Variants in BCL2 observed in about 807,000 individuals in gnomAD.
BCL2 encodes apoptosis regulator Bcl-2.
BCL2 carries 1 observed loss-of-function variant against 14.2 expected under a neutral mutation model. The observed-to-expected ratio is 0.07, with a 90% CI of 0.02 to 0.33. The LOEUF is 0.33. BCL2 is among the 10% of genes least tolerant of loss of function. BCL2 has a pLI of 0.99. For synonymous variants in BCL2, 151 were observed against 137.2 expected, an observed-to-expected ratio of 1.10 and a Z score of -0.70; for missense variants, 247 against 305.9, an observed-to-expected ratio of 0.81 and a Z score of 1.44.
At chr18:63,264,746 C>T (rs919122178) in intron 2 of BCL2, among the ~76,000 whole-genome samples, 1 of 152,168 alleles carries the variant, frequency 6.6e-6, no homozygotes, top group African/African-American at 2.4e-5. Flanking sequence ...GGAATAATTC[C>T]TTCCTGTGTA....
chr18:63,223,908 A>G (rs938739864), intron 2 of BCL2, among the ~76,000 whole-genome samples: 1 of 152,126 alleles, frequency 6.6e-6, no homozygotes, highest in Non-Finnish European at 1.5e-5. Flanking sequence ...AAGTCTCTAC[A>G]GGAAAGACAG....
At chr18:63,208,184 T>A (rs369587283) in intron 2 of BCL2, 1 of 152,236 alleles carries the variant, frequency 6.6e-6, no homozygotes, top group Non-Finnish European at 1.5e-5. Flanking sequence ...GTGCTTCCCA[T>A]ATGATTTTTA....
At chr18:63,248,086 C>T (rs186887639) in intron 2 of BCL2, among the ~76,000 whole-genome samples, 157 of 152,278 alleles carry the variant, frequency 1.0e-3, no homozygotes, top group East Asian at 4.2e-3. Flanking sequence ...CTTCATTTCA[C>T]GCTTCTCTTA....
intron 2 of BCL2, among the ~76,000 whole-genome samples, chr18:63,203,234 A>T (rs1599242367): frequency 6.6e-6 from 1 of 152,138 alleles, no homozygotes; most frequent in African/African-American, 2.4e-5. Context: ...GGTTTTATTT[A>T]AAAAAACTCC....
rs913967122 is a variant in BCL2 at position 63,225,736 on chromosome 18, G to T, written c.585+92346C>A. Among the ~76,000 whole-genome samples the T allele has an allele frequency of 8.5e-5, 13 of 152,328 alleles. 1 individual carries two copies. In the South Asian group the frequency reaches 1.2e-3, roughly 15 times the overall value. On this transcript the variant is annotated intron_variant, in intron 2 of 2. Transcript: ENST00000333681. ...CCCCTCACGGAGGTGGAGCACGCAG[G>T]TGAGTAGATGCAGGAGCCAGGTGAG... is the stretch of plus-strand genomic sequence containing the variant.
chr18:63,242,744 A>G (rs1415650388), intron 2 of BCL2, among the ~76,000 whole-genome samples: 2 of 152,210 alleles, frequency 1.3e-5, no homozygotes, highest in Admixed American at 1.3e-4. Context: ...TATGATTTAT[A>G]CCAGCTTAAT....
At chr18:63,211,070 T>TC (rs1909989252) in intron 2 of BCL2, among the ~76,000 whole-genome samples, 2 of 131,550 alleles carry the variant, frequency 1.5e-5, no homozygotes, top group African/African-American at 2.8e-5. Flanking sequence ...TTTCTTTTTT[T>TC]TTTTTTTTTT....
intron 2 of BCL2, among the ~76,000 whole-genome samples, chr18:63,253,927 C>G (rs1339174438): frequency 6.7e-6 from 1 of 149,168 alleles, no homozygotes; most frequent in Non-Finnish European, 1.5e-5. Context: ...TTTTTCCACC[C>G]TACTAAGCAT....
chr18:63,303,897 A>C (rs1292806536), intron 2 of BCL2, among the ~76,000 whole-genome samples: 3 of 152,216 alleles, frequency 2.0e-5, no homozygotes, highest in Admixed American at 2.0e-4. Context: ...AAAAATAGTA[A>C]AAGTCTCTTT....
At chr18:63,252,451 C>T (rs1911344924) in intron 2 of BCL2, among the ~76,000 whole-genome samples, 1 of 152,208 alleles carries the variant, frequency 6.6e-6, no homozygotes, top group Non-Finnish European at 1.5e-5. Context: ...ACCCAAATCT[C>T]ATCTTGAGTT....
At chr18:63,305,171 C>A (rs112236680) in intron 2 of BCL2, among the ~76,000 whole-genome samples, 1 of 152,176 alleles carries the variant, frequency 6.6e-6, no homozygotes, top group Non-Finnish European at 1.5e-5. Flanking sequence ...AAGGCTGAAT[C>A]GAAGAAGGGA....
chr18:63,206,545 AT>A (rs1012362087), intron 2 of BCL2, among the ~76,000 whole-genome samples: 38 of 152,306 alleles, frequency 2.5e-4, no homozygotes, highest in African/African-American at 8.9e-4. Flanking sequence ...GACGCTCCAC[AT>A]TTGGAGTCCC....
chr18:63,298,388 C>T (rs1369946039), intron 2 of BCL2, among the ~76,000 whole-genome samples: 2 of 152,182 alleles, frequency 1.3e-5, no homozygotes, highest in Non-Finnish European at 2.9e-5. Flanking sequence ...CCAAGGGCTT[C>T]GACTCCTAAA....
intron 2 of BCL2, among the ~76,000 whole-genome samples, chr18:63,191,579 C>T (rs1055107213): frequency 2.2e-4 from 33 of 152,326 alleles, no homozygotes; most frequent in African/African-American, 7.7e-4. Context: ...ATACATCACA[C>T]TTTAAGTAGC....
At chr18:63,188,976 C>A (rs1250594828) in intron 2 of BCL2, among the ~76,000 whole-genome samples, 1 of 146,294 alleles carries the variant, frequency 6.8e-6, no homozygotes, top group African/African-American at 2.5e-5. Flanking sequence ...GTACCCTACA[C>A]AGACATTTCT....
intron 2 of BCL2, among the ~76,000 whole-genome samples, chr18:63,305,649 C>T (rs1335686090): frequency 6.6e-6 from 1 of 152,034 alleles, no homozygotes. Context: ...AACTGCCTTT[C>T]ATAATTGAAT....
At chr18:63,168,321 G>A in intron 2 of BCL2, among the ~76,000 whole-genome samples, 1 of 152,180 alleles carries the variant, frequency 6.6e-6, no homozygotes. Flanking sequence ...TTGAGCCCAT[G>A]AGCTTGAGAC....
In BCL2 at chr18:63,236,075, G is replaced by A. The variant is rs867999359; in HGVS notation, c.585+82007C>T. Reference sequence around the variant, plus strand: ...GGAGGTGGGTTTTTCCCAAGTTCTCGTATATTGAATAAGTCTCACAAGATC... The same window carrying A: ...GGAGGTGGGTTTTTCCCAAGTTCTCATATATTGAATAAGTCTCACAAGATC... On this transcript the variant is annotated intron_variant, in intron 2 of 2. Coordinates refer to ENST00000333681, the MANE Select transcript of BCL2 (RefSeq NM_000633.3). Among the ~76,000 whole-genome samples the A allele has an allele frequency of 3.9e-5, 6 of 152,194 alleles. No homozygotes were observed. The East Asian group carries it at 5.8e-4, about 15-fold the overall frequency.
intron 2 of BCL2, among the ~76,000 whole-genome samples, chr18:63,166,072 G>A (rs1321688842): frequency 2.0e-5 from 3 of 152,194 alleles, no homozygotes; most frequent in African/African-American, 4.8e-5. Context: ...CACAAAGCCT[G>A]GCCCTCAGTA....
Sources: allele counts gnomAD v4.1 joint callset (sites outside exome capture counted in the v4.1 genomes callset), GRCh38; gene constraint gnomAD v4.1.1; transcripts MANE v1.5; gene names NCBI Gene and HGNC (gene_info 2026-07-23, HGNC 2026-07-21).